Variants in MINAR1 observed in about 807,000 individuals in gnomAD.
MINAR1 encodes major intrinsically disordered Notch2-binding receptor 1.
A neutral mutation model predicts 65.1 loss-of-function variants in MINAR1; 40 were observed. The ratio of observed to expected loss-of-function variants is 0.61; its 90% confidence interval spans 0.48 to 0.80. MINAR1 has a LOEUF of 0.80. Among genes scored for constraint, MINAR1 ranks in the 30% least tolerant of loss-of-function variants. The pLI is 0.00. For synonymous variants in MINAR1, 482 were observed against 449.1 expected (o/e 1.07, Z -0.93); for missense variants, 1,128 against 1,148.0 (o/e 0.98, Z 0.25).
At position 79,457,211 on chromosome 15, in the gene MINAR1, T is replaced by A. The variant is rs1895462065; in HGVS notation, c.1064T>A (p.Leu355Gln). Residue 355 changes from leucine (L) to glutamine (Q), a missense_variant, in exon 2 of 4, where the codon CTA becomes CAA. By Grantham distance (113) the Leu-to-Gln change is moderately radical. Transcript: ENST00000305428. Reference protein sequence around the residue: ...VMGTQEARRCLGKPNKQTPWP... With the variant: ...VMGTQEARRCQGKPNKQTPWP... ...GGAACCCAAGAAGCCAGGCGCTGTC[T>A]AGGGAAGCCCAACAAGCAGACTCCC... 6.2e-7 allele frequency: 1 copy of A among 1,614,044 alleles called. No individual in the cohort carries two copies. Among genetic ancestry groups the A allele is most frequent in the African/African-American group, 1.3e-5 (1 of 75,030 alleles).
intron 1 of MINAR1, among the ~76,000 whole-genome samples, chr15:79,442,509 G>T (rs1894898218): frequency 6.8e-6 from 1 of 147,626 alleles, no homozygotes; most frequent in African/African-American, 2.5e-5. Flanking sequence ...TTTTTATTTT[G>T]ACCAGAATTC....
At chr15:79,467,424 C>G (rs1263798055) in intron 3 of MINAR1, among the ~76,000 whole-genome samples, 1 of 152,202 alleles carries the variant, frequency 6.6e-6, no homozygotes, top group Non-Finnish European at 1.5e-5. Flanking sequence ...TAGATTATAA[C>G]TGTCAACGTG....
chr15:79,443,837 G>A (rs1194189752), intron 1 of MINAR1, among the ~76,000 whole-genome samples: 4 of 151,992 alleles, frequency 2.6e-5, no homozygotes, highest in Admixed American at 2.6e-4. Context: ...GGTGGCAATA[G>A]GTTTTGATTA....
chr15:79,440,825 C>A (rs570912300), intron 1 of MINAR1, among the ~76,000 whole-genome samples: 1 of 152,280 alleles, frequency 6.6e-6, no homozygotes, highest in African/African-American at 2.4e-5. Flanking sequence ...TTCTCCATAG[C>A]ACTTTCTACC....
rs778701549 is a variant in MINAR1, at chr15:79,470,714, C to G, written c.*2330C>G. The G allele has an allele frequency of 1.3e-5, 2 of 152,140 alleles. No homozygotes were observed. Among genetic ancestry groups the G allele is most frequent in the Non-Finnish European group, 2.9e-5 (2 of 68,038 alleles). The allele number at this position is 152,140 out of a possible 1,614,324, so 9.4% of individuals were successfully genotyped here. ...TCAGAAATTCAGTCTTGCTCTGAGT[C>G]CACAGTAGCTTTAAAATTCAACTCA... On this transcript the variant is annotated 3_prime_UTR_variant, in exon 4 of 4. Transcript: ENST00000305428.
chr15:79,460,698 C>T (rs915820570), intron 2 of MINAR1, among the ~76,000 whole-genome samples: 14 of 152,190 alleles, frequency 9.2e-5, no homozygotes, highest in Non-Finnish European at 1.8e-4. Flanking sequence ...CCCTATTCCC[C>T]ACTCTTCTCT....
chr15:79,464,428 G>A (rs766762288), intron 3 of MINAR1, among the ~76,000 whole-genome samples: 45 of 152,186 alleles, frequency 3.0e-4, no homozygotes, highest in African/African-American at 6.5e-4. Flanking sequence ...CTGTGAGGCC[G>A]GAATTGCTAT....
chr15:79,430,895 CT>C (rs1894420232), upstream of MINAR1, among the ~76,000 whole-genome samples: 1 of 151,940 alleles, frequency 6.6e-6, no homozygotes, highest in South Asian at 2.1e-4. Flanking sequence ...TTTTAAAAAA[CT>C]TTTTATTAGG....
intron 1 of MINAR1, among the ~76,000 whole-genome samples, chr15:79,452,013 G>C (rs1275577893): frequency 6.6e-6 from 1 of 151,934 alleles, no homozygotes; most frequent in Admixed American, 6.6e-5. Flanking sequence ...GAGATTGTGA[G>C]TGAGCCTGTG....
intron 3 of MINAR1, among the ~76,000 whole-genome samples, chr15:79,465,686 C>G (rs1428798467): frequency 3.3e-5 from 5 of 151,842 alleles, no homozygotes; most frequent in Admixed American, 6.6e-5. Context: ...TGGGCCAGCC[C>G]TAGGATGACT....
In MINAR1 at chr15:79,449,875, C is replaced by G. The variant is rs113567095; in HGVS notation, c.-50-6223C>G. On this transcript the variant is annotated intron_variant, in intron 1 of 3. Coordinates refer to ENST00000305428, the MANE Select transcript of MINAR1 (RefSeq NM_015206.3). ...CCTGTACCGTCATGCCTTCTGCCCT[C>G]TGCCTAGAGTACCTACCCTGTCCCT... Among the ~76,000 whole-genome samples the G allele has an allele frequency of 1.2e-3, 177 of 152,344 alleles. 1 individual carries two copies. Among genetic ancestry groups the G allele is most frequent in the African/African-American group, 4.2e-3 (175 of 41,584 alleles).
chr15:79,438,578 T>G (rs1595931373), intron 1 of MINAR1, among the ~76,000 whole-genome samples: 1 of 1,148 alleles, frequency 8.7e-4, no homozygotes, highest in Admixed American at 0.014. Context: ...GTGGATGGGG[T>G]GGGTAGTGAG....
In MINAR1 at chr15:79,455,020, A is replaced by G. The variant is rs186505111; in HGVS notation, c.-50-1078A>G. Reference sequence around the variant, plus strand: ...TCTGCAATTTACTCTGAAGTGAATCAAAAAAATAAGAAAGCTTGATGATGA... The same window carrying G: ...TCTGCAATTTACTCTGAAGTGAATCGAAAAAATAAGAAAGCTTGATGATGA... On this transcript the variant is annotated intron_variant, in intron 1 of 3. Coordinates refer to ENST00000305428, the MANE Select transcript of MINAR1 (RefSeq NM_015206.3). Among the ~76,000 whole-genome samples, 692 of 152,334 alleles carry G rather than the reference A, an allele frequency of 4.5e-3. 13 individuals carry two copies. Among genetic ancestry groups the G allele is most frequent in the African/African-American group, 0.016 (665 of 41,570 alleles).
At chr15:79,442,968 T>G (rs1894913966) in intron 1 of MINAR1, among the ~76,000 whole-genome samples, 1 of 152,184 alleles carries the variant, frequency 6.6e-6, no homozygotes, top group African/African-American at 2.4e-5. Context: ...TTTGTTTTAA[T>G]CACCTGCTAC....
chr15:79,424,702 T>C, the MINAR1 span: 1 of 152,192 alleles, frequency 6.6e-6, no homozygotes, highest in South Asian at 2.1e-4. Flanking sequence ...ATGAAAGAGA[T>C]TCATGCTCGG....
At chr15:79,450,990 G>A (rs1895175148) in intron 1 of MINAR1, among the ~76,000 whole-genome samples, 1 of 152,136 alleles carries the variant, frequency 6.6e-6, no homozygotes, top group African/African-American at 2.4e-5. Context: ...AAAAACTGAG[G>A]CAGGGTGTGG....
At position 79,456,540 on chromosome 15, in the gene MINAR1, A is replaced by G; in HGVS notation, c.393A>G (p.Ala131=). The G allele has an allele frequency of 6.2e-7, 1 of 1,614,122 alleles. No homozygotes were observed. The highest frequency in any genetic ancestry group is 8.5e-7 in the Non-Finnish European group (1 of 1,180,026). Residue 131 remains alanine, a synonymous_variant, in exon 2 of 4, where the codon GCA becomes GCG. Coordinates refer to ENST00000305428, the MANE Select transcript of MINAR1 (RefSeq NM_015206.3). ...SCRSDTEICN[A]AECEPLNCEL... The stretch of plus-strand genomic sequence containing the variant: ...GGTCGGACACAGAGATCTGCAATGC[A>G]GCTGAGTGTGAGCCCCTGAACTGTG...
chr15:79,411,547 A>T, the MINAR1 span: 16 of 699,932 alleles, frequency 2.3e-5, no homozygotes, highest in African/African-American at 2.8e-4. Context: ...TGGAGGGAAG[A>T]CACAGAAGCT....
At chr15:79,436,968 A>G (rs979115663) in intron 1 of MINAR1, among the ~76,000 whole-genome samples, 1 of 152,170 alleles carries the variant, frequency 6.6e-6, no homozygotes, top group Non-Finnish European at 1.5e-5. Flanking sequence ...CTAGTGAACA[A>G]TTTTGACCTT....
Sources: allele counts gnomAD v4.1 joint callset (sites outside exome capture counted in the v4.1 genomes callset), GRCh38; gene constraint gnomAD v4.1.1; transcripts MANE v1.5; gene names NCBI Gene and HGNC (gene_info 2026-07-23, HGNC 2026-07-21).